The following FAM78B variants were observed in gnomAD, a reference collection of about 807,000 sequenced individuals.
FAM78B encodes the protein protein FAM78B.
A neutral mutation model predicts 20.0 loss-of-function variants in FAM78B; 10 were observed. That is an observed-to-expected ratio of 0.50 (90% confidence interval 0.31 to 0.85). The LOEUF is 0.85. Among genes scored for constraint, FAM78B ranks in the 40% least tolerant of loss-of-function variants. The pLI is 0.05. For synonymous variants in FAM78B, 135 were observed against 132.8 expected, an observed-to-expected ratio of 1.02 and a Z score of -0.12; for missense variants, 283 against 345.0, an observed-to-expected ratio of 0.82 and a Z score of 1.42.
At chr1:166,123,645 G>A (rs1654541469) in intron 1 of FAM78B, among the ~76,000 whole-genome samples, 1 of 152,180 alleles carries the variant, frequency 6.6e-6, no homozygotes, top group African/African-American at 2.4e-5. Flanking sequence ...AATAAACAAT[G>A]AAAGGATTTA....
chr1:166,141,170 G>A (rs1447977435), intron 1 of FAM78B, among the ~76,000 whole-genome samples: 2 of 152,192 alleles, frequency 1.3e-5, no homozygotes, highest in African/African-American at 4.8e-5. Flanking sequence ...GTGCGTACTG[G>A]GGCAAGGTGC....
chr1:166,163,012 G>A (rs1656211259), intron 1 of FAM78B, among the ~76,000 whole-genome samples: 1 of 152,170 alleles, frequency 6.6e-6, no homozygotes, highest in African/African-American at 2.4e-5. Flanking sequence ...CCACCAAAGA[G>A]CGCTGCTTTT....
intron 1 of FAM78B, among the ~76,000 whole-genome samples, chr1:166,116,894 G>C (rs1654279273): frequency 6.6e-6 from 1 of 152,202 alleles, no homozygotes; most frequent in South Asian, 2.1e-4. Flanking sequence ...TCCAGCTCCA[G>C]CCTTCTAGGA....
At chr1:166,128,450 C>T (rs1371034288) in intron 1 of FAM78B, among the ~76,000 whole-genome samples, 5 of 152,238 alleles carry the variant, frequency 3.3e-5, no homozygotes, top group African/African-American at 2.4e-5. Flanking sequence ...ACATCCCTCC[C>T]TCTCTGCACT....
chr1:166,071,920 G>C (rs921143482), intron 1 of FAM78B, among the ~76,000 whole-genome samples: 1 of 152,194 alleles, frequency 6.6e-6, no homozygotes, highest in Non-Finnish European at 1.5e-5. Flanking sequence ...TGGAGAACTG[G>C]ACTGGACCCC....
At chr1:166,070,796 A>G (rs753468131) in intron 1 of FAM78B, 33 bp from the exon 2 acceptor site, 9 of 1,510,448 alleles carry the variant, frequency 6.0e-6, no homozygotes, top group Admixed American at 2.2e-5. Context: ...CAAGAAAAGA[A>G]GAGGCTGAAT....
chr1:166,147,156 C>T (rs1225995985), intron 1 of FAM78B, among the ~76,000 whole-genome samples: 1 of 152,170 alleles, frequency 6.6e-6, no homozygotes, highest in Non-Finnish European at 1.5e-5. Flanking sequence ...GTAAGTGCAG[C>T]AGTGGACACA....
intron 1 of FAM78B, among the ~76,000 whole-genome samples, chr1:166,143,719 G>T (rs531120001): frequency 2.0e-5 from 3 of 152,232 alleles, no homozygotes; most frequent in Admixed American, 2.0e-4. Context: ...TTGCTCTAAG[G>T]AAGTGGGGTG....
In FAM78B at chr1:166,100,985, GAGACAAAACTTCCAGAGGAATGATCAGGC is replaced by G. The variant is rs781284663; in HGVS notation, c.264-30251_264-30223del. ...ACCTCACATGGCCAGGTACCACTCT[GAGACAAAACTTCCAGAGGAATGATCAGGC>G]AGCAACATTTGCTGTTCACCAATAT... On this transcript the variant is annotated intron_variant, in intron 1 of 1. Coordinates refer to ENST00000354422, the MANE Select transcript of FAM78B (RefSeq NM_001017961.5). 4.8e-4 allele frequency among the ~76,000 whole-genome samples: 73 copies of G among 152,338 alleles called. 1 individual carries two copies. The highest frequency in any genetic ancestry group is 3.4e-3 in the Middle Eastern group (1 of 294).
chr1:166,102,716 T>C (rs1240016591), intron 1 of FAM78B, among the ~76,000 whole-genome samples: 2 of 152,152 alleles, frequency 1.3e-5, no homozygotes, highest in Non-Finnish European at 1.5e-5. Context: ...AGCAAGTCCT[T>C]AGAGACCTAC....
At position 166,129,530 on chromosome 1, in the gene FAM78B, T is replaced by C. The variant is rs551427975; in HGVS notation, c.263+36456A>G. On this transcript the variant is annotated intron_variant, in intron 1 of 1. Coordinates refer to ENST00000354422, the MANE Select transcript of FAM78B (RefSeq NM_001017961.5). The stretch of plus-strand genomic sequence containing the variant: ...TGTGAGACCTTTTCAGGCATGGATG[T>C]GGATGAATTTAGGAAACCCTCAATT... Among the ~76,000 whole-genome samples, 163 of 152,308 alleles carry C rather than the reference T, an allele frequency of 1.1e-3. 1 individual carries two copies. The highest frequency in any genetic ancestry group is 0.01 in the Middle Eastern group (3 of 294).
chr1:166,074,353 A>T (rs1254977658), intron 1 of FAM78B, among the ~76,000 whole-genome samples: 4 of 151,954 alleles, frequency 2.6e-5, no homozygotes, highest in Non-Finnish European at 5.9e-5. Context: ...CATATGTATC[A>T]CCTCCTCCAG....
At chr1:166,056,553 G>A (rs545467974), downstream of FAM78B, among the ~76,000 whole-genome samples, 188 of 152,200 alleles carry the variant, frequency 1.2e-3, 1 homozygote, top group African/African-American at 4.3e-3. Context: ...GACCATTTAC[G>A]TATACCAACA....
chr1:166,105,849 T>C (rs1441311755), intron 1 of FAM78B, among the ~76,000 whole-genome samples: 8 of 151,670 alleles, frequency 5.3e-5, no homozygotes, highest in Non-Finnish European at 1.2e-4. Flanking sequence ...AGCCATCCCA[T>C]TACTGGGTAT....
At chr1:166,138,235 C>T (rs1201734603) in intron 1 of FAM78B, among the ~76,000 whole-genome samples, 1 of 152,086 alleles carries the variant, frequency 6.6e-6, no homozygotes, top group Non-Finnish European at 1.5e-5. Context: ...CCTCACTCCC[C>T]TCATCAAAGG....
At chr1:166,108,443 T>C (rs532931414) in intron 1 of FAM78B, among the ~76,000 whole-genome samples, 6 of 152,062 alleles carry the variant, frequency 3.9e-5, no homozygotes, top group African/African-American at 1.4e-4. Context: ...CTTAGGAATA[T>C]ACCTAATCAA....
intron 1 of FAM78B, among the ~76,000 whole-genome samples, chr1:166,089,306 A>G (rs996082470): frequency 6.6e-6 from 1 of 152,212 alleles, no homozygotes; most frequent in Admixed American, 6.5e-5. Context: ...TGTGGATTGG[A>G]ACACCTTAAC....
intron 1 of FAM78B, among the ~76,000 whole-genome samples, chr1:166,117,625 T>G (rs1008046999): frequency 1.3e-5 from 2 of 152,208 alleles, no homozygotes; most frequent in African/African-American, 2.4e-5. Context: ...AGGTAGTTAG[T>G]TGTTTTATTC....
chr1:166,083,490 C>T (rs1159693720), intron 1 of FAM78B, among the ~76,000 whole-genome samples: 3 of 152,152 alleles, frequency 2.0e-5, no homozygotes, highest in East Asian at 3.9e-4. Context: ...GGGATAATAA[C>T]AAAACCCACG....
Sources: allele counts gnomAD v4.1 joint callset (sites outside exome capture counted in the v4.1 genomes callset), GRCh38; gene constraint gnomAD v4.1.1; transcripts MANE v1.5; gene names NCBI Gene and HGNC (gene_info 2026-07-23, HGNC 2026-07-21).